Variants in HIGD2B observed in about 807,000 individuals in gnomAD.
The protein encoded by HIGD2B is HIG1 hypoxia inducible domain family member 2B.
For missense variants in HIGD2B, 106 were observed against 67.0 expected, an observed-to-expected ratio of 1.58 and a Z score of -2.03; for synonymous variants, 45 against 28.1, an observed-to-expected ratio of 1.60 and a Z score of -1.90.
chr15:72,685,900 G>A lies in HIGD2B; in HGVS notation c.-275C>T, dbSNP rs1033502787. 1.0e-5 allele frequency: 5 copies of A among 497,904 alleles called. No homozygotes were observed. In the Admixed American group the frequency reaches 1.3e-4, roughly 13 times the overall value. The allele number at this position is 497,904 out of a possible 1,614,324, so 30.8% of individuals were successfully genotyped here. A position where few individuals can be genotyped will look rare whatever the true frequency, so the allele number is the denominator to read the frequency against. On this transcript the variant is annotated 5_prime_UTR_variant, in exon 1 of 3. Coordinates refer to ENST00000311755, the MANE Select transcript of HIGD2B (RefSeq NM_001350932.3). ...GCAGATTAGAGTCAGGGCAGGGTAA[G>A]GTGGCGGGAGAACTAGGCTGCCATC...
chr15:72,686,017 C>A lies in HIGD2B; in HGVS notation c.-392G>T. The A allele has an allele frequency of 1.6e-6, 1 of 642,590 alleles. No homozygotes were observed. The highest frequency in any genetic ancestry group is 2.8e-6 in the Non-Finnish European group (1 of 361,368). The allele number at this position is 642,590 out of a possible 1,614,324, so 39.8% of individuals were successfully genotyped here. A position where few individuals can be genotyped will look rare whatever the true frequency, so the allele number is the denominator to read the frequency against. ...TGTTAGGGGCTTCTCGGGATAAAGG[C>A]AGCGAGTGGCTGCGCATTCCCTCCC... is the stretch of plus-strand genomic sequence containing the variant. On this transcript the variant is annotated 5_prime_UTR_variant, in exon 1 of 3. Coordinates refer to ENST00000311755, the MANE Select transcript of HIGD2B (RefSeq NM_001350932.3).
chr15:72,681,599 A>ATGTT (rs1316907223), intron 1 of HIGD2B, among the ~76,000 whole-genome samples: 18 of 117,370 alleles, frequency 1.5e-4, no homozygotes, highest in African/African-American at 3.8e-4. Flanking sequence ...TTGAACCAAA[A>ATGTT]TTTTTTTTTT....
intron 1 of HIGD2B, among the ~76,000 whole-genome samples, chr15:72,683,338 G>A (rs567023962): frequency 6.6e-6 from 1 of 151,842 alleles, no homozygotes; most frequent in African/African-American, 2.4e-5. Context: ...GTCAGATTGA[G>A]AATCAGTCTT....
At position 72,680,206 on chromosome 15, in the gene HIGD2B, T is replaced by C. The variant is rs16957238; in HGVS notation, c.-192-13A>G. The C allele has an allele frequency of 7.8e-3, 1,231 of 158,508 alleles. 45 individuals carry two copies. The highest frequency in any genetic ancestry group is 0.061 in the Admixed American group (947 of 15,506). 9.8% of individuals were successfully genotyped at this position (158,508 alleles called of 1,614,324 possible). ...TTGACCTCAGTAGCTAGAGGAAAAG[T>C]GGTTAAACAAAATAAAGAAGTTAGA... On this transcript the variant is annotated splice_polypyrimidine_tract_variant and intron_variant, in intron 1 of 2. Coordinates refer to ENST00000311755, the MANE Select transcript of HIGD2B (RefSeq NM_001350932.3).
chr15:72,684,229 C>T (rs993853732), intron 1 of HIGD2B, among the ~76,000 whole-genome samples: 1 of 152,150 alleles, frequency 6.6e-6, no homozygotes, highest in African/African-American at 2.4e-5. Flanking sequence ...GGCTCCGTTA[C>T]AGAATTTTGG....
At chr15:72,685,226 C>T (rs941145421) in intron 1 of HIGD2B, among the ~76,000 whole-genome samples, 4 of 152,230 alleles carry the variant, frequency 2.6e-5, no homozygotes, top group Non-Finnish European at 2.9e-5. Flanking sequence ...CTCTTAGAGG[C>T]CTGGAGAAAC....
At chr15:72,679,062 A>G (rs2064721493) in intron 2 of HIGD2B, among the ~76,000 whole-genome samples, 1 of 150,486 alleles carries the variant, frequency 6.6e-6, no homozygotes, top group Admixed American at 6.6e-5. Flanking sequence ...AGAAAAAAGA[A>G]AAAAAAAAGA....
chr15:72,678,530 G>A (rs2064715658), intron 2 of HIGD2B, among the ~76,000 whole-genome samples: 1 of 151,904 alleles, frequency 6.6e-6, no homozygotes, highest in Non-Finnish European at 1.5e-5. Flanking sequence ...TCAAACTCCT[G>A]GACACAAGTG....
intron 2 of HIGD2B, among the ~76,000 whole-genome samples, chr15:72,678,768 C>T (rs2150975553): frequency 6.6e-6 from 1 of 152,074 alleles, no homozygotes; most frequent in Admixed American, 6.5e-5. Flanking sequence ...GAGGTCAAGG[C>T]AGGAGGATCA....
chr15:72,677,291 A>G (rs573462108), intron 2 of HIGD2B, among the ~76,000 whole-genome samples: 2 of 152,178 alleles, frequency 1.3e-5, no homozygotes, highest in South Asian at 4.2e-4. Context: ...TTAGCCGGGC[A>G]TGGTGGCACA....
intron 1 of HIGD2B, chr15:72,682,970 C>T (rs1483747065): frequency 1.8e-5 from 3 of 167,004 alleles, no homozygotes; most frequent in East Asian, 3.6e-4. Context: ...CCACCTGGCC[C>T]TCCTGACTGC....
intron 1 of HIGD2B, among the ~76,000 whole-genome samples, chr15:72,681,599 A>ATGTTTTTTTTTTTT (rs1316907223): frequency 8.5e-6 from 1 of 117,412 alleles, no homozygotes; most frequent in African/African-American, 3.4e-5. Context: ...TTGAACCAAA[A>ATGTTTTTTTTTTTT]TTTTTTTTTT....
In HIGD2B at chr15:72,676,309, C is replaced by T. The variant is rs773658923; in HGVS notation, c.66G>A (p.Glu22=). The T allele has an allele frequency of 2.6e-6, 2 of 761,974 alleles. No individual in the cohort carries two copies. Among genetic ancestry groups the T allele is most frequent in the Admixed American group, 1.7e-5 (1 of 58,014 alleles). 47.2% of individuals were successfully genotyped at this position (761,974 alleles called of 1,614,324 possible). Residue 22 remains glutamate (E), a synonymous_variant, in exon 3 of 3, where the codon GAG becomes GAA. Transcript: ENST00000311755. ...PFESSKPPIF[E]GLSPTVYSNP... The stretch of plus-strand genomic sequence containing the variant: ...TGCTGTAAACAGTGGGGCTAAGCCC[C>T]TCAAAGATGGGGGGCTTCGATGATT...
chr15:72,681,107 G>A (rs1176831379), intron 1 of HIGD2B, among the ~76,000 whole-genome samples: 1 of 152,118 alleles, frequency 6.6e-6, no homozygotes, highest in African/African-American at 2.4e-5. Flanking sequence ...AAACCACACA[G>A]ACAGCATTAT....
rs188972311 is a variant in HIGD2B at position 72,680,147 on chromosome 15, A to G, written c.-146T>C. On this transcript the variant is annotated 5_prime_UTR_variant, in exon 2 of 3. Transcript: ENST00000311755. ...GTTTTCTGATCTTCTTCCCATTCTT[A>G]CCCAGCTGGTGGAGTCTACAGCCTA... 4.8e-6 allele frequency: 1 copy of G among 207,160 alleles called. No homozygotes were observed. The highest frequency in any genetic ancestry group is 4.9e-5 in the Admixed American group (1 of 20,320). The allele number at this position is 207,160 out of a possible 1,614,324, so 12.8% of individuals were successfully genotyped here. A position where few individuals can be genotyped will look rare whatever the true frequency, so the allele number is the denominator to read the frequency against.
rs967659123 is a variant in HIGD2B at position 72,676,032 on chromosome 15, CAG to C, written c.*20_*21del. 4 of 716,982 alleles carry C rather than the reference CAG, an allele frequency of 5.6e-6. No homozygotes were observed. The highest frequency in any genetic ancestry group is 1.0e-5 in the Non-Finnish European group (4 of 391,520). 44.4% of individuals were successfully genotyped at this position (716,982 alleles called of 1,614,324 possible). ...CTCCTGGGTTTTGGAATGATTTCTG[CAG>C]AGTTTTCAAGACCCTGGGCTCAGGG... On this transcript the variant is annotated 3_prime_UTR_variant, in exon 3 of 3. Transcript: ENST00000311755.
rs1349115888 is a variant in HIGD2B at position 72,676,405 on chromosome 15, T to TG, written c.-13-19_-13-18insC. 4 of 673,372 alleles carry TG rather than the reference T, an allele frequency of 5.9e-6. No individual in the cohort carries two copies. In the African/African-American group the frequency reaches 8.1e-5, roughly 14 times the overall value. 41.7% of individuals were successfully genotyped at this position (673,372 alleles called of 1,614,324 possible). On this transcript the variant is annotated intron_variant, in intron 2 of 2. Coordinates refer to ENST00000311755, the MANE Select transcript of HIGD2B (RefSeq NM_001350932.3). ...GGCCACAGCTGCAGGAGAAAATCCT[T>TG]TGTTTTTTTTTTTTTTTGAGAAGGA... is the stretch of plus-strand genomic sequence containing the variant.
At position 72,686,131 on chromosome 15, in the gene HIGD2B, C is replaced by T. The variant is rs750157523; in HGVS notation, c.-506G>A. ...CACTCGGCGATTTACTTCCTTCCCC[C>T]GCTTCCTCACAGTCCTCCACAGCCC... On this transcript the variant is annotated 5_prime_UTR_variant, in exon 1 of 3. Coordinates refer to ENST00000311755, the MANE Select transcript of HIGD2B (RefSeq NM_001350932.3). The T allele has an allele frequency of 3.1e-5, 40 of 1,296,944 alleles. No homozygotes were observed. In the African/African-American group the frequency reaches 4.4e-4, roughly 14 times the overall value. 80.3% of individuals were successfully genotyped at this position (1,296,944 alleles called of 1,614,324 possible).
At chr15:72,683,793 A>T (rs2064774397) in intron 1 of HIGD2B, among the ~76,000 whole-genome samples, 1 of 152,074 alleles carries the variant, frequency 6.6e-6, no homozygotes, top group South Asian at 2.1e-4. Context: ...GTGAGCCGTG[A>T]TTGTCCCACT....
Sources: allele counts gnomAD v4.1 joint callset (sites outside exome capture counted in the v4.1 genomes callset), GRCh38; gene constraint gnomAD v4.1.1; transcripts MANE v1.5; gene names NCBI Gene and HGNC (gene_info 2026-07-23, HGNC 2026-07-21).